CADM2: variants seen among roughly 807,000 people sequenced by gnomAD.
CADM2 encodes the protein immunoglobulin superfamily member 4D.
Under a neutral mutation model 49.8 loss-of-function variants are expected in CADM2, and 12 were observed. The ratio of observed to expected loss-of-function variants is 0.24; its 90% confidence interval spans 0.15 to 0.39. The LOEUF (loss-of-function observed/expected upper bound fraction) is 0.39. CADM2 is among the 10% of genes least tolerant of loss of function. The pLI is 1.00. For synonymous variants in CADM2, 214 were observed against 175.4 expected (o/e 1.22, Z -1.74); for missense variants, 378 against 492.3 (o/e 0.77, Z 2.20).
chr3:86,035,646 C>G (rs2076281512), intron 8 of CADM2, among the ~76,000 whole-genome samples: 1 of 151,948 alleles, frequency 6.6e-6, no homozygotes, highest in Admixed American at 6.6e-5. Flanking sequence ...TTTAATAATC[C>G]CATTTATAGC....
intron 1 of CADM2, among the ~76,000 whole-genome samples, chr3:85,675,570 C>T (rs774589355): frequency 1.7e-4 from 26 of 152,162 alleles, no homozygotes; most frequent in Non-Finnish European, 2.6e-4. Context: ...AAGCATCTAA[C>T]ACCCCGATAG....
chr3:85,343,999 TAA>T (rs1167845325), intron 1 of CADM2, among the ~76,000 whole-genome samples: 1 of 152,134 alleles, frequency 6.6e-6, no homozygotes, highest in African/African-American at 2.4e-5. Flanking sequence ...AATAAAAATC[TAA>T]AGAGACAAGT....
intron 1 of CADM2, among the ~76,000 whole-genome samples, chr3:85,665,031 T>C (rs1177506053): frequency 1.3e-5 from 2 of 152,122 alleles, no homozygotes; most frequent in Non-Finnish European, 2.9e-5. Flanking sequence ...TTCAGAACTT[T>C]AAAAGTGCTT....
chr3:85,357,006 A>G (rs189532038), intron 1 of CADM2, among the ~76,000 whole-genome samples: 81 of 152,258 alleles, frequency 5.3e-4, no homozygotes, highest in South Asian at 1.2e-3. Context: ...TCTATGATTA[A>G]CAAGGCTACT....
intron 8 of CADM2, among the ~76,000 whole-genome samples, chr3:86,046,151 C>T (rs1349001461): frequency 6.6e-6 from 1 of 151,996 alleles, no homozygotes; most frequent in African/African-American, 2.4e-5. Context: ...AGTTTGATAC[C>T]ATAACGTGCT....
chr3:85,779,233 C>A (rs745522379), intron 2 of CADM2, among the ~76,000 whole-genome samples: 2 of 151,698 alleles, frequency 1.3e-5, no homozygotes, highest in Non-Finnish European at 2.9e-5. Context: ...CTGTTGCAGT[C>A]AGTAGTCAAT....
intron 4 of CADM2, among the ~76,000 whole-genome samples, chr3:85,883,696 G>T (rs537120745): frequency 6.6e-6 from 1 of 152,226 alleles, no homozygotes; most frequent in African/African-American, 2.4e-5. Flanking sequence ...TTCTTAGCCA[G>T]CAATAGACAC....
At chr3:85,590,136 T>C (rs2063064340) in intron 1 of CADM2, among the ~76,000 whole-genome samples, 2 of 152,010 alleles carry the variant, frequency 1.3e-5, no homozygotes, top group South Asian at 4.1e-4. Flanking sequence ...AGTTTTTATC[T>C]GTACAGTTCA....
At chr3:85,973,875 G>A (rs889361311) in intron 8 of CADM2, among the ~76,000 whole-genome samples, 11 of 151,604 alleles carry the variant, frequency 7.3e-5, no homozygotes, top group African/African-American at 2.2e-4. Flanking sequence ...ACAATGGGTG[G>A]TGAAAGGAAA....
At chr3:84,964,609 A>C (rs1184333743) in intron 1 of CADM2, among the ~76,000 whole-genome samples, 2 of 152,196 alleles carry the variant, frequency 1.3e-5, no homozygotes, top group African/African-American at 4.8e-5. Context: ...CAAACCAAGG[A>C]GGCCGACTCA....
chr3:85,464,904 C>A (rs1196762271), intron 1 of CADM2, among the ~76,000 whole-genome samples: 1 of 152,178 alleles, frequency 6.6e-6, no homozygotes, highest in Admixed American at 6.5e-5. Context: ...AATCTCAGCA[C>A]TTTGGGAGGC....
intron 1 of CADM2, among the ~76,000 whole-genome samples, chr3:85,605,550 T>A (rs956007644): frequency 6.6e-6 from 1 of 152,022 alleles, no homozygotes; most frequent in Non-Finnish European, 1.5e-5. Flanking sequence ...GGGTGAAAAT[T>A]AGAATCCAGA....
chr3:85,329,186 C>T (rs2044839194), intron 1 of CADM2, among the ~76,000 whole-genome samples: 1 of 152,116 alleles, frequency 6.6e-6, no homozygotes, highest in Non-Finnish European at 1.5e-5. Context: ...AATTTAAATA[C>T]ATTTCTGTTC....
intron 1 of CADM2, among the ~76,000 whole-genome samples, chr3:85,146,481 T>C (rs2039745495): frequency 6.6e-6 from 1 of 152,160 alleles, no homozygotes; most frequent in African/African-American, 2.4e-5. Context: ...AAACTTTCTT[T>C]TGGATTTATT....
chr3:85,648,378 G>A (rs1251382708), intron 1 of CADM2, among the ~76,000 whole-genome samples: 3 of 151,924 alleles, frequency 2.0e-5, no homozygotes, highest in Non-Finnish European at 2.9e-5. Flanking sequence ...CTTCATTTAC[G>A]TAGCAATTTT....
chr3:85,039,779 TC>T (rs1362220577), intron 1 of CADM2, among the ~76,000 whole-genome samples: 1 of 152,122 alleles, frequency 6.6e-6, no homozygotes, highest in African/African-American at 2.4e-5. Flanking sequence ...CACCTTGTCC[TC>T]CACACTCAAC....
In CADM2 at chr3:86,072,630, A is replaced by G. The variant is rs1703347511; in HGVS notation, c.*5847A>G. On this transcript the variant is annotated 3_prime_UTR_variant, in exon 10 of 10. Transcript: ENST00000383699. ...CATTACGCTTACAAACAGTACTGTCAAACCTCAAATGCTTTCTTTCTTCAG... is the reference window on the plus strand; with the variant it reads ...CATTACGCTTACAAACAGTACTGTCGAACCTCAAATGCTTTCTTTCTTCAG... The G allele has an allele frequency of 6.6e-6, 1 of 152,046 alleles. No individual in the cohort carries two copies. Among genetic ancestry groups the G allele is most frequent in the African/African-American group, 2.4e-5 (1 of 41,438 alleles). The allele number at this position is 152,046 out of a possible 1,614,324, so 9.4% of individuals were successfully genotyped here. A position where few individuals can be genotyped will look rare whatever the true frequency, so the allele number is the denominator to read the frequency against.
At chr3:85,883,634 A>AAGAT (rs1713140989) in intron 4 of CADM2, among the ~76,000 whole-genome samples, 191 bp downstream of exon 4, 1 of 152,238 alleles carries the variant, frequency 6.6e-6, no homozygotes, top group African/African-American at 2.4e-5. Context: ...TAAAGGGACA[A>AAGAT]AGATAGATTC....
At chr3:85,661,630 A>G (rs529299639) in intron 1 of CADM2, among the ~76,000 whole-genome samples, 1 of 152,142 alleles carries the variant, frequency 6.6e-6, no homozygotes, top group South Asian at 2.1e-4. Flanking sequence ...TTCTCCCCTA[A>G]GTATTTTTCA....
Sources: gnomAD v4.1 joint callset for allele counts (sites outside exome capture counted in the v4.1 genomes callset) on GRCh38, gnomAD v4.1.1 for gene constraint, MANE v1.5 for transcripts, NCBI Gene and HGNC (gene_info 2026-07-23, HGNC 2026-07-21) for gene names.